The following SDK1 variants were observed in gnomAD, a reference collection of about 807,000 sequenced individuals.
SDK1 encodes protein sidekick-1.
In SDK1, 157 loss-of-function variants were observed where a neutral mutation model predicts 245.5. The observed-to-expected ratio is 0.64, with a 90% CI of 0.56 to 0.73. The LOEUF (loss-of-function observed/expected upper bound fraction) is 0.73. SDK1 is among the 30% of genes least tolerant of loss of function. The pLI is 0.00. For synonymous variants in SDK1, 1,647 were observed against 1,278.5 expected (o/e 1.29, Z -6.15); for missense variants, 3,583 against 3,002.3 (o/e 1.19, Z -4.52).
At chr7:3,810,605 A>G (rs1396977338) in intron 4 of SDK1, among the ~76,000 whole-genome samples, 2 of 152,316 alleles carry the variant, frequency 1.3e-5, no homozygotes, top group South Asian at 2.1e-4. Context: ...TAAAAAATAT[A>G]TTTATTCTGG....
intron 1 of SDK1, among the ~76,000 whole-genome samples, chr7:3,585,459 A>T (rs1780654642): frequency 6.6e-6 from 1 of 152,204 alleles, no homozygotes; most frequent in African/African-American, 2.4e-5. Context: ...AAAAGAGATG[A>T]CAACATTAAG....
At chr7:3,539,547 G>C (rs1778993811) in intron 1 of SDK1, among the ~76,000 whole-genome samples, 1 of 152,294 alleles carries the variant, frequency 6.6e-6, no homozygotes, top group Admixed American at 6.5e-5. Context: ...CTGCTGCCTG[G>C]AGCTCAGTGG....
intron 4 of SDK1, among the ~76,000 whole-genome samples, chr7:3,746,235 A>C (rs1408774668): frequency 6.6e-6 from 1 of 152,228 alleles, no homozygotes; most frequent in African/African-American, 2.4e-5. Context: ...AAAAATTTAC[A>C]TACCTTAATT....
In SDK1 at chr7:3,403,978, C is replaced by T. The variant is rs141778005; in HGVS notation, c.298+102094C>T. Reference sequence around the variant, plus strand: ...GACCATTGCAATAAAGTGAATCACACAAATTTTGTGGTTTCCCAGTGCATA... The same window carrying T: ...GACCATTGCAATAAAGTGAATCACATAAATTTTGTGGTTTCCCAGTGCATA... On this transcript the variant is annotated intron_variant, in intron 1 of 44. Coordinates refer to ENST00000404826, the MANE Select transcript of SDK1 (RefSeq NM_152744.4). Among the ~76,000 whole-genome samples, 1,297 of 149,800 alleles carry T rather than the reference C, an allele frequency of 8.7e-3. 26 individuals are homozygous for T. The highest frequency in any genetic ancestry group is 0.03 in the African/African-American group (1,220 of 40,692).
intron 17 of SDK1, among the ~76,000 whole-genome samples, chr7:4,032,029 A>G (rs1325363824): frequency 6.8e-6 from 1 of 146,392 alleles, no homozygotes; most frequent in Non-Finnish European, 1.5e-5. Context: ...TCTGCCTCAA[A>G]AAAAAAAAAA....
chr7:3,913,866 C>T (rs887089230), intron 5 of SDK1, among the ~76,000 whole-genome samples: 1 of 152,104 alleles, frequency 6.6e-6, no homozygotes, highest in African/African-American at 2.4e-5. Context: ...AACCTTTAAG[C>T]CAGAGTAAAT....
intron 4 of SDK1, among the ~76,000 whole-genome samples, chr7:3,734,166 A>G (rs1459626337): frequency 1.3e-5 from 2 of 152,154 alleles, no homozygotes; most frequent in East Asian, 1.9e-4. Flanking sequence ...TCCCTTACCT[A>G]TAGTAACATG....
Position 3,667,681 on chromosome 7 carries a change from A to T in SDK1, c.713+25576A>T, listed in dbSNP as rs559349921. Among the ~76,000 whole-genome samples, 3 of 152,328 alleles carry T rather than the reference A, an allele frequency of 2.0e-5. No individual in the cohort carries two copies. In the East Asian group the frequency reaches 5.8e-4, roughly 29 times the overall value. ...AGTTTTGCATTTTCTAAAATATCTT[A>T]TGAATGGGATCCTAAAGTATTTAGC... On this transcript the variant is annotated intron_variant, in intron 4 of 44. Transcript: ENST00000404826.
chr7:3,720,526 A>C (rs1785336811), intron 4 of SDK1, among the ~76,000 whole-genome samples: 1 of 152,266 alleles, frequency 6.6e-6, no homozygotes, highest in Admixed American at 6.5e-5. Flanking sequence ...AACCACAAGG[A>C]GATATCACTA....
intron 5 of SDK1, among the ~76,000 whole-genome samples, chr7:3,822,490 C>T (rs41877): frequency 0.21 from 31,288 of 152,130 alleles, 3,939 homozygotes; most frequent in Non-Finnish European, 0.28. Context: ...GTATGTGGGG[C>T]TAGGCATGGT....
chr7:4,124,525 C>T (rs568093519), intron 25 of SDK1, among the ~76,000 whole-genome samples: 4 of 152,176 alleles, frequency 2.6e-5, no homozygotes, highest in Admixed American at 1.3e-4. Context: ...ATCAGGGGCC[C>T]ACCCTATGCA....
At chr7:3,906,399 T>TGTGTGTGTGAGA (rs373402283) in intron 5 of SDK1, among the ~76,000 whole-genome samples, 1 of 149,920 alleles carries the variant, frequency 6.7e-6, no homozygotes, top group African/African-American at 2.5e-5. Flanking sequence ...TGTGTGTGTG[T>TGTGTGTGTGAGA]GAGAGAGAGA....
chr7:3,438,316 G>T (rs1373875605), intron 1 of SDK1, among the ~76,000 whole-genome samples: 2 of 152,138 alleles, frequency 1.3e-5, no homozygotes, highest in Non-Finnish European at 2.9e-5. Context: ...TGTTGTCTCT[G>T]CTATATCTAT....
intron 1 of SDK1, among the ~76,000 whole-genome samples, chr7:3,554,603 G>A (rs757112666): frequency 6.6e-6 from 1 of 152,142 alleles, no homozygotes; most frequent in Non-Finnish European, 1.5e-5. Flanking sequence ...CAAGAATCAG[G>A]TGAGCAATCA....
intron 25 of SDK1, among the ~76,000 whole-genome samples, chr7:4,115,090 C>A (rs537214249): frequency 2.6e-5 from 4 of 152,160 alleles, no homozygotes; most frequent in Non-Finnish European, 5.9e-5. Flanking sequence ...TTTCTTGCCC[C>A]CCTCCTTAAA....
intron 5 of SDK1, among the ~76,000 whole-genome samples, chr7:3,897,732 C>G (rs1293634092): frequency 1.5e-5 from 2 of 135,780 alleles, no homozygotes. Context: ...TGTAGTTCAA[C>G]TTGTTTTTAC....
At chr7:3,684,112 C>T (rs1378312397) in intron 4 of SDK1, among the ~76,000 whole-genome samples, 1 of 152,178 alleles carries the variant, frequency 6.6e-6, no homozygotes, top group Non-Finnish European at 1.5e-5. Flanking sequence ...TCCTCCATTC[C>T]CTGCTCAGCA....
chr7:3,734,623 C>G (rs1028023013), intron 4 of SDK1, among the ~76,000 whole-genome samples: 2 of 152,308 alleles, frequency 1.3e-5, no homozygotes, highest in African/African-American at 2.4e-5. Context: ...TTCCCAAACT[C>G]CGTCAAATGA....
In SDK1 at chr7:4,139,493, ATG is replaced by A. The variant is rs371714565; in HGVS notation, c.4229-6219_4229-6218del. Among the ~76,000 whole-genome samples, 176 of 52,154 alleles carry A rather than the reference ATG, an allele frequency of 3.4e-3. 11 individuals are homozygous for A. The highest frequency in any genetic ancestry group is 0.024 in the South Asian group (27 of 1,106). 34.2% of individuals were successfully genotyped at this position (52,154 alleles called of 152,430 possible). A position where few individuals can be genotyped will look rare whatever the true frequency, so the allele number is the denominator to read the frequency against. Reference sequence around the variant, plus strand: ...TGTGTGTGTATATGTGTGTGTATATATGTGTGTGTGTATATGTATATATGTGT... The same window carrying A: ...TGTGTGTGTATATGTGTGTGTATATATGTGTGTGTATATGTATATATGTGT... On this transcript the variant is annotated intron_variant, in intron 28 of 44. Transcript: ENST00000404826.
Sources: allele counts gnomAD v4.1 joint callset (sites outside exome capture counted in the v4.1 genomes callset), GRCh38; gene constraint gnomAD v4.1.1; transcripts MANE v1.5; gene names NCBI Gene and HGNC (gene_info 2026-07-23, HGNC 2026-07-21).